The following PRUNE2 variants were observed in gnomAD, a reference collection of about 807,000 sequenced individuals.
The protein encoded by PRUNE2 is prune homolog 2 with BCH domain, also known as protein prune homolog 2.
In PRUNE2, 164 loss-of-function variants were observed where a neutral mutation model predicts 252.0. The ratio of observed to expected loss-of-function variants is 0.65; its 90% CI spans 0.57 to 0.74. PRUNE2 has a LOEUF of 0.74. PRUNE2 is among the 30% of genes least tolerant of loss of function. The pLI, the probability that PRUNE2 is intolerant of heterozygous loss-of-function variation, is 0.00. For synonymous variants in PRUNE2, 1,292 were observed against 1,350.2 expected (o/e 0.96, Z 0.94); for missense variants, 3,495 against 3,711.0 (o/e 0.94, Z 1.51).
At chr9:76,836,302 C>T (rs891778439) in intron 4 of PRUNE2, among the ~76,000 whole-genome samples, 1 of 150,702 alleles carries the variant, frequency 6.6e-6, no homozygotes, top group South Asian at 2.1e-4. Context: ...CAACTTTAGC[C>T]ACCATGACTG....
In PRUNE2 at chr9:76,711,337, A is replaced by G; in HGVS notation, c.937T>C (p.Cys313Arg). Residue 313 changes from cysteine (C) to arginine (R), a missense_variant, in exon 8 of 19, where the codon TGT (cysteine) becomes CGT (arginine). Transcript: ENST00000376718. Reference sequence around the variant, plus strand: ...TCCAGTTCTAGGCAAGGGTTCTGACACTCTTCCAGCTCACAGCAAATCTGT... The same window carrying G: ...TCCAGTTCTAGGCAAGGGTTCTGACGCTCTTCCAGCTCACAGCAAATCTGT... ...CSQICCELEE[C>R]QNPCLELEPF... The G allele has an allele frequency of 6.2e-7, 1 of 1,611,952 alleles. No individual in the cohort carries two copies. Among genetic ancestry groups the G allele is most frequent in the Non-Finnish European group, 8.5e-7 (1 of 1,179,174 alleles).
intron 1 of PRUNE2, among the ~76,000 whole-genome samples, chr9:76,893,451 T>C (rs754229507): frequency 3.3e-5 from 5 of 152,170 alleles, no homozygotes; most frequent in Non-Finnish European, 7.3e-5. Flanking sequence ...AAGTGATGGG[T>C]CAGAGTGTAC....
chr9:76,813,137 T>A (rs1000777172), intron 6 of PRUNE2, among the ~76,000 whole-genome samples: 1 of 152,208 alleles, frequency 6.6e-6, no homozygotes, highest in African/African-American at 2.4e-5. Context: ...AAATTGGCCA[T>A]GGTAAGAGCA....
At chr9:76,780,623 A>G (rs543543601) in intron 6 of PRUNE2, among the ~76,000 whole-genome samples, 8 of 152,280 alleles carry the variant, frequency 5.3e-5, no homozygotes, top group South Asian at 2.1e-4. Context: ...CCCAGGAGGC[A>G]GAGCTTGCAG....
chr9:76,752,697 T>A (rs547455488), intron 6 of PRUNE2, among the ~76,000 whole-genome samples: 3 of 152,274 alleles, frequency 2.0e-5, no homozygotes, highest in Admixed American at 6.5e-5. Context: ...TTCCTCAAAA[T>A]AATCATTTTG....
chr9:76,723,291 C>A (rs746757806), intron 6 of PRUNE2, among the ~76,000 whole-genome samples: 12 of 152,132 alleles, frequency 7.9e-5, no homozygotes, highest in Non-Finnish European at 1.5e-4. Context: ...CACTGGTTAT[C>A]CAGAAGTATC....
intron 6 of PRUNE2, among the ~76,000 whole-genome samples, chr9:76,730,710 A>G (rs1229213991): frequency 6.6e-6 from 1 of 152,152 alleles, no homozygotes; most frequent in Non-Finnish European, 1.5e-5. Context: ...GACCAGCCTG[A>G]CCAATATGGT....
chr9:76,855,235 T>C (rs906925193), intron 1 of PRUNE2, among the ~76,000 whole-genome samples: 8 of 151,870 alleles, frequency 5.3e-5, no homozygotes, highest in Non-Finnish European at 7.4e-5. Flanking sequence ...GTAAATGTCA[T>C]AGCAAAACTA....
At chr9:76,855,082 A>AAAAAAAAATATATATATATATAT (rs1490285240) in intron 1 of PRUNE2, among the ~76,000 whole-genome samples, 1 of 109,410 alleles carries the variant, frequency 9.1e-6, no homozygotes, top group African/African-American at 3.9e-5. Flanking sequence ...AAAAAAAAAA[A>AAAAAAAAATATATATATATATAT]ATATATATAT....
At chr9:76,629,757 C>T (rs972699407) in intron 15 of PRUNE2, among the ~76,000 whole-genome samples, 11 of 152,144 alleles carry the variant, frequency 7.2e-5, no homozygotes, top group Non-Finnish European at 1.3e-4. Flanking sequence ...TTTCCTCACT[C>T]CCAACCCCCA....
At chr9:76,829,312 G>GA (rs1223199387) in intron 4 of PRUNE2, among the ~76,000 whole-genome samples, 1 of 152,098 alleles carries the variant, frequency 6.6e-6, no homozygotes, top group Admixed American at 6.5e-5. Flanking sequence ...CCAATAGGCT[G>GA]AAAAAATTAG....
chr9:76,721,851 G>T (rs73650287), intron 6 of PRUNE2, among the ~76,000 whole-genome samples: 1 of 152,124 alleles, frequency 6.6e-6, no homozygotes, highest in South Asian at 2.1e-4. Context: ...AACTTGAAGG[G>T]ATTATGATTT....
chr9:76,906,082 C>A lies in PRUNE2; in HGVS notation c.-119G>T, dbSNP rs1464823705. 1 of 1,083,766 alleles carries A rather than the reference C, an allele frequency of 9.2e-7. No individual in the cohort carries two copies. Among genetic ancestry groups the A allele is most frequent in the East Asian group, 2.4e-5 (1 of 41,182 alleles). 67.1% of individuals were successfully genotyped at this position (1,083,766 alleles called of 1,614,324 possible). A position where few individuals can be genotyped will look rare whatever the true frequency, so the allele number is the denominator to read the frequency against. On this transcript the variant is annotated 5_prime_UTR_variant, in exon 1 of 19. Coordinates refer to ENST00000376718, the MANE Select transcript of PRUNE2 (RefSeq NM_015225.3). ...CGCCGGGGCGCAGCGACCGACTGCT[C>A]CCTCCTGCCGCTCTGAGGCGGCTGC...
intron 11 of PRUNE2, among the ~76,000 whole-genome samples, chr9:76,646,671 T>A (rs866507417): frequency 1.3e-5 from 2 of 152,154 alleles, no homozygotes; most frequent in African/African-American, 4.8e-5. Flanking sequence ...CAATTTCCCA[T>A]CTGGTCTCTA....
rs1435242863 is a variant in PRUNE2 at position 76,790,041 on chromosome 9, TGAATTTCCA to T, written c.756+33582_756+33590del. 2.6e-5 allele frequency among the ~76,000 whole-genome samples: 4 copies of T among 152,154 alleles called. No homozygotes were observed. In the East Asian group the frequency reaches 7.7e-4, roughly 29 times the overall value. On this transcript the variant is annotated intron_variant, in intron 6 of 18. Coordinates refer to ENST00000376718, the MANE Select transcript of PRUNE2 (RefSeq NM_015225.3). ...AATTAAGCCTTGGGAAGTTGCAACA[TGAATTTCCA>T]GATGGGCCAATAAAATGCAGGAACT...
intron 6 of PRUNE2, among the ~76,000 whole-genome samples, chr9:76,736,122 T>G (rs1168728573): frequency 7.1e-6 from 1 of 141,814 alleles, no homozygotes; most frequent in Admixed American, 7.5e-5. Flanking sequence ...TAGAGATTAG[T>G]AGGGTTTGTG....
At chr9:76,640,699 T>C (rs1842216221) in intron 12 of PRUNE2, among the ~76,000 whole-genome samples, 1 of 152,246 alleles carries the variant, frequency 6.6e-6, no homozygotes, top group South Asian at 2.1e-4. Flanking sequence ...ATTTCATTTC[T>C]GAAGATGCAT....
intron 1 of PRUNE2, among the ~76,000 whole-genome samples, chr9:76,864,901 G>T (rs2060751287): frequency 2.0e-5 from 3 of 152,192 alleles, no homozygotes; most frequent in Admixed American, 6.5e-5. Flanking sequence ...GGGAACAATT[G>T]CCTTAAAGAG....
intron 15 of PRUNE2, among the ~76,000 whole-genome samples, chr9:76,634,453 T>G (rs1839120563): frequency 6.7e-6 from 1 of 148,306 alleles, no homozygotes; most frequent in African/African-American, 2.4e-5. Flanking sequence ...TATGAGTATA[T>G]TTTTGCAAAG....
Sources: gnomAD v4.1 joint callset for allele counts (sites outside exome capture counted in the v4.1 genomes callset) on GRCh38, gnomAD v4.1.1 for gene constraint, MANE v1.5 for transcripts, NCBI Gene and HGNC (gene_info 2026-07-23, HGNC 2026-07-21) for gene names.